Variants in ANKRD12 observed in about 807,000 individuals in gnomAD.
The protein encoded by ANKRD12 is ankyrin repeat domain-containing protein 12.
A neutral mutation model predicts 183.4 loss-of-function variants in ANKRD12; 85 were observed. The ratio of observed to expected loss-of-function variants is 0.46; its 90% CI spans 0.39 to 0.56. The LOEUF (loss-of-function observed/expected upper bound fraction) is 0.56, where lower values mean the gene tolerates loss of function less well. Ranked by LOEUF, ANKRD12 falls within the 20% of genes least tolerant of loss-of-function variation. The pLI, the probability that ANKRD12 is intolerant of heterozygous loss-of-function variation, is 0.00. For missense variants in ANKRD12, 2,405 were observed against 2,357.1 expected (o/e 1.02, Z -0.42); for synonymous variants, 914 against 800.2 (o/e 1.14, Z -2.40).
At chr18:9,204,122 A>C (rs571616612) in intron 3 of ANKRD12, among the ~76,000 whole-genome samples, 1 of 152,220 alleles carries the variant, frequency 6.6e-6, no homozygotes, top group African/African-American at 2.4e-5. Context: ...GACAAGTTCT[A>C]AACAGAAAAC....
chr18:9,165,695 C>T (rs1568241144), intron 1 of ANKRD12, among the ~76,000 whole-genome samples: 1 of 151,946 alleles, frequency 6.6e-6, no homozygotes, highest in Non-Finnish European at 1.5e-5. Context: ...AATTTCCCTC[C>T]TTTTTTTATT....
chr18:9,162,815 T>TC (rs1183119118), intron 1 of ANKRD12, among the ~76,000 whole-genome samples: 4 of 152,040 alleles, frequency 2.6e-5, no homozygotes, highest in African/African-American at 9.7e-5. Flanking sequence ...TGAGTTTTTT[T>TC]TCATGTTTGT....
chr18:9,278,402 AAAAT>A (rs969842277), intron 11 of ANKRD12, among the ~76,000 whole-genome samples: 35 of 152,258 alleles, frequency 2.3e-4, no homozygotes, highest in Non-Finnish European at 3.7e-4. Context: ...GTGGTAAAGA[AAAAT>A]AAATAAATAA....
intron 1 of ANKRD12, among the ~76,000 whole-genome samples, chr18:9,171,162 TGAG>T (rs1462191798): frequency 5.9e-5 from 9 of 152,114 alleles, no homozygotes; most frequent in African/African-American, 9.7e-5. Context: ...AGGACCCACT[TGAG>T]GAGGCAGTCT....
At chr18:9,168,039 G>T (rs377522486) in intron 1 of ANKRD12, among the ~76,000 whole-genome samples, 1 of 152,098 alleles carries the variant, frequency 6.6e-6, no homozygotes, top group Non-Finnish European at 1.5e-5. Flanking sequence ...TGCATATGTT[G>T]AACCAGCCTT....
intron 1 of ANKRD12, among the ~76,000 whole-genome samples, chr18:9,178,548 C>CT (rs1301168328): frequency 1.3e-5 from 2 of 151,950 alleles, no homozygotes; most frequent in African/African-American, 4.8e-5. Context: ...CTTACTGTAT[C>CT]TTTGTTAGTA....
chr18:9,175,948 A>C (rs1007185089), intron 1 of ANKRD12, among the ~76,000 whole-genome samples: 3 of 151,888 alleles, frequency 2.0e-5, no homozygotes, highest in Non-Finnish European at 2.9e-5. Flanking sequence ...ACCAAAAAAA[A>C]CTCTTTGTTT....
chr18:9,220,053 G>T (rs1375209869), intron 7 of ANKRD12, among the ~76,000 whole-genome samples: 1 of 152,244 alleles, frequency 6.6e-6, no homozygotes, highest in African/African-American at 2.4e-5. Context: ...TCATGAGTAA[G>T]TTGTTTTCTT....
At chr18:9,165,382 G>A (rs7235514) in intron 1 of ANKRD12, among the ~76,000 whole-genome samples, 120,030 of 152,012 alleles carry the variant, frequency 0.79, 47,590 homozygotes, top group Middle Eastern at 0.88. Flanking sequence ...CACTTTAGCT[G>A]TGTTTGAGTG....
chr18:9,204,516 A>T lies in ANKRD12; in HGVS notation c.276A>T (p.Arg92Ser), dbSNP rs745622553. The change falls in exon 4 of 13, where the codon AGA becomes AGT. Residue 92 changes from arginine (R) to serine (S), a missense_variant. Arg to Ser is a moderately radical substitution (Grantham distance 110). Around this residue, in one of 7 missense-constraint regions of ANKRD12, gnomAD observed 145 missense variants for 145.6 expected, o/e 1.00. Transcript: ENST00000262126. ...PGHTSENWGE[R>S]LISSYRTYSE... ...ATACAAGTGAAAATTGGGGGGAGAG[A>T]CTTATATCTTCTTACAGGACATACT... 8.7e-6 allele frequency: 14 copies of T among 1,602,374 alleles called. No homozygotes were observed. The highest frequency in any genetic ancestry group is 1.1e-5 in the Non-Finnish European group (13 of 1,172,408).
Position 9,255,266 on chromosome 18 carries a change from A to G in ANKRD12, c.1999A>G (p.Lys667Glu), listed in dbSNP as rs1480167500. Residue 667 changes from lysine to glutamate, a missense_variant, in exon 9 of 13, where the codon AAA (lysine) becomes GAA (glutamate). This residue lies in a region of ANKRD12 where 1,983 missense variants were observed against 1,725.9 expected (regional missense o/e 1.15). Transcript: ENST00000262126. Reference protein sequence around the residue: ...HKEREKEKHKKEIEGEKEKYK... With the variant: ...HKEREKEKHKEEIEGEKEKYK... ...AGAGAGGGAAAAAGAAAAGCATAAA[A>G]AAGAAATTGAAGGTGAAAAGGAAAA... 1 of 1,572,438 alleles carries G rather than the reference A, an allele frequency of 6.4e-7. No homozygotes were observed. Among genetic ancestry groups the G allele is most frequent in the Non-Finnish European group, 8.6e-7 (1 of 1,167,844 alleles).
intron 4 of ANKRD12, among the ~76,000 whole-genome samples, chr18:9,205,360 T>G (rs1400472733): frequency 6.6e-6 from 1 of 152,142 alleles, no homozygotes; most frequent in African/African-American, 2.4e-5. Context: ...TGTCTAGTTT[T>G]CAGCATATGA....
chr18:9,254,707 T>A lies in ANKRD12; in HGVS notation c.1440T>A (p.Asn480Lys). 1 of 1,506,112 alleles carries A rather than the reference T, an allele frequency of 6.6e-7. No homozygotes were observed. The highest frequency in any genetic ancestry group is 8.9e-7 in the Non-Finnish European group (1 of 1,129,572). 93.3% of individuals were successfully genotyped at this position (1,506,112 alleles called of 1,614,324 possible). ...GKVKRKLKNQ[N>K]KNKENQELKQ... ...TTAAAAGAAAATTGAAAAATCAGAA[T>A]AAAAATAAAGAGAACCAAGAGCTAA... The change falls in exon 9 of 13, where the codon AAT becomes AAA. Residue 480 changes from asparagine (N) to lysine (K), a missense_variant. Asn to Lys is a moderately conservative substitution (Grantham distance 94). Around this residue, in one of 7 missense-constraint regions of ANKRD12, gnomAD observed 1,983 missense variants for 1,725.9 expected, o/e 1.15. Transcript: ENST00000262126.
chr18:9,279,071 T>C (rs937989729), intron 11 of ANKRD12, among the ~76,000 whole-genome samples: 9 of 151,770 alleles, frequency 5.9e-5, no homozygotes, highest in Non-Finnish European at 1.2e-4. Context: ...ACTGGTATTC[T>C]TAAGTGTTGA....
intron 10 of ANKRD12, among the ~76,000 whole-genome samples, chr18:9,264,499 T>G (rs1165149355): frequency 2.0e-5 from 3 of 152,116 alleles, no homozygotes; most frequent in Admixed American, 6.5e-5. Context: ...TGTATATAAC[T>G]TCTTTGGTTC....
intron 2 of ANKRD12, among the ~76,000 whole-genome samples, chr18:9,182,940 T>G (rs1160625235): frequency 5.9e-5 from 9 of 152,220 alleles, no homozygotes; most frequent in Non-Finnish European, 1.2e-4. Context: ...TTTTATACAT[T>G]GTCTTTGAAT....
At chr18:9,175,954 T>C (rs1201023301) in intron 1 of ANKRD12, among the ~76,000 whole-genome samples, 1 of 152,220 alleles carries the variant, frequency 6.6e-6, no homozygotes, top group Non-Finnish European at 1.5e-5. Context: ...AAAAACTCTT[T>C]GTTTCCTGAA....
intron 10 of ANKRD12, 48 bp downstream of exon 10, chr18:9,263,936 A>G (rs189664867): frequency 1.2e-5 from 15 of 1,269,974 alleles, no homozygotes; most frequent in Non-Finnish European, 1.6e-5. Context: ...ACTGGTTTCT[A>G]GCAATAAATT....
intron 9 of ANKRD12, among the ~76,000 whole-genome samples, chr18:9,263,215 C>T (rs1456749046): frequency 2.0e-5 from 3 of 152,106 alleles, no homozygotes; most frequent in South Asian, 2.1e-4. Flanking sequence ...TATTACACTA[C>T]AATATCAAAT....
Sources: gnomAD v4.1 joint callset for allele counts (sites outside exome capture counted in the v4.1 genomes callset) on GRCh38, gnomAD v4.1.1 for gene constraint, gnomAD v4.1.1 regional missense constraint, MANE v1.5 for transcripts, NCBI Gene and HGNC (gene_info 2026-07-23, HGNC 2026-07-21) for gene names.